UBE2J2: variants seen among roughly 807,000 people sequenced by gnomAD.
UBE2J2 encodes the protein ubiquitin conjugating enzyme E2 J2.
A neutral mutation model predicts 28.6 loss-of-function variants in UBE2J2; 5 were observed. That is an observed-to-expected ratio of 0.17 (90% confidence interval 0.09 to 0.37). UBE2J2 has a LOEUF of 0.37. Among genes scored for constraint, UBE2J2 ranks in the 10% least tolerant of loss-of-function variants. UBE2J2 has a pLI of 1.00. For synonymous variants in UBE2J2, 138 were observed against 139.7 expected (o/e 0.99, Z 0.09); for missense variants, 226 against 338.9 (o/e 0.67, Z 2.62).
Position 1,263,456 on chromosome 1 carries a change from C to G in UBE2J2, c.132-70G>C, listed in dbSNP as rs559032678. The G allele has an allele frequency of 2.0e-5, 29 of 1,437,942 alleles. No individual in the cohort carries two copies. In the Middle Eastern group the frequency reaches 7.1e-4, roughly 35 times the overall value. 89.1% of individuals were successfully genotyped at this position (1,437,942 alleles called of 1,614,324 possible). On this transcript the variant is annotated intron_variant, in intron 2 of 6. Coordinates refer to ENST00000349431, the MANE Select transcript of UBE2J2 (RefSeq NM_058167.3). ...TCTCCAAAATCTGAATCATTCCAAG[C>G]CTGGGGTTTATAGAACCCAGCCAAA... is the stretch of plus-strand genomic sequence containing the variant.
chr1:1,255,611 G>A (rs910037809), intron 6 of UBE2J2, 124 bp from the exon 7 acceptor site: 17 of 1,217,938 alleles, frequency 1.4e-5, no homozygotes, highest in East Asian at 4.8e-5. Context: ...GTCAAATTCC[G>A]ACCCCATCTC....
chr1:1,268,455 C>T lies in UBE2J2; in HGVS notation c.1-463G>A, dbSNP rs1020470740. ...GGCCCCTTCACCGCACCCGGAAGCC[C>T]GCTGCCCAGCATTTACCACTAGCCA... is the stretch of plus-strand genomic sequence containing the variant. On this transcript the variant is annotated intron_variant, in intron 1 of 6. Transcript: ENST00000349431. The surrounding 1 kb of genome is among the most constrained non-coding windows in gnomAD (Gnocchi z 4.7). Among the ~76,000 whole-genome samples, 4 of 152,138 alleles carry T rather than the reference C, an allele frequency of 2.6e-5. No homozygotes were observed. In the South Asian group the frequency reaches 6.2e-4, roughly 24 times the overall value.
chr1:1,255,987 G>C (rs1639152069), intron 6 of UBE2J2, 58 bp downstream of exon 6: 3 of 1,220,784 alleles, frequency 2.5e-6, no homozygotes, highest in Non-Finnish European at 3.6e-6. Flanking sequence ...TTTGGAAAGA[G>C]GTGAAACTCA....
rs747501243 is a variant in UBE2J2 at position 1,255,293 on chromosome 1, A to C, written c.690T>G (p.Gly230=). 9 of 1,613,634 alleles carry C rather than the reference A, an allele frequency of 5.6e-6. No homozygotes were observed. Among genetic ancestry groups the C allele is most frequent in the East Asian group, 2.2e-5 (1 of 44,878 alleles). ...QQANRHHGLL[G]GALANLFVIV... is the part of the protein sequence containing the mutation. Reference sequence around the variant, plus strand: ...TCACAAACAAGTTCGCCAGGGCGCCACCCAGGAGTCCGTGGTGCCGGTTGG... The same window carrying C: ...TCACAAACAAGTTCGCCAGGGCGCCCCCCAGGAGTCCGTGGTGCCGGTTGG... The change falls in exon 7 of 7, where the codon GGT becomes GGG. Residue 230 remains glycine, a synonymous_variant. Coordinates refer to ENST00000349431, the MANE Select transcript of UBE2J2 (RefSeq NM_058167.3).
rs1366107477 is a variant in UBE2J2, at chr1:1,268,286, G to A, written c.1-294C>T. ...CCTGTCCTCCAAAAACTCACGCAGG[G>A]ATACATTTACAGGGCTTGAGGGGGT... On this transcript the variant is annotated intron_variant, in intron 1 of 6. Coordinates refer to ENST00000349431, the MANE Select transcript of UBE2J2 (RefSeq NM_058167.3). The surrounding 1 kb of genome is among the most constrained non-coding windows in gnomAD (Gnocchi z 4.7). 6.6e-6 allele frequency among the ~76,000 whole-genome samples: 1 copy of A among 152,098 alleles called. No individual in the cohort carries two copies. The highest frequency in any genetic ancestry group is 1.5e-5 in the Non-Finnish European group (1 of 68,028).
chr1:1,271,847 G>A (rs1056404212), intron 1 of UBE2J2, among the ~76,000 whole-genome samples: 1 of 151,904 alleles, frequency 6.6e-6, no homozygotes, highest in African/African-American at 2.4e-5. Flanking sequence ...GGTGGCATGT[G>A]CCTGTAATCC....
At chr1:1,271,833 G>C (rs966198063) in intron 1 of UBE2J2, among the ~76,000 whole-genome samples, 1 of 151,928 alleles carries the variant, frequency 6.6e-6, no homozygotes, top group Admixed American at 6.6e-5. Context: ...AATTAATCAG[G>C]CATGGTGGCA....
chr1:1,260,632 G>A (rs1639501390), intron 3 of UBE2J2, among the ~76,000 whole-genome samples: 2 of 152,210 alleles, frequency 1.3e-5, no homozygotes. Flanking sequence ...TTGTCCTGAA[G>A]TGGGTCCCTG....
At chr1:1,258,735 C>T (rs978959728) in intron 3 of UBE2J2, among the ~76,000 whole-genome samples, 2 of 152,266 alleles carry the variant, frequency 1.3e-5, no homozygotes, top group African/African-American at 4.8e-5. Context: ...ATCACACCCA[C>T]TCCATGAGCA....
chr1:1,265,143 C>A (rs1639774312), intron 2 of UBE2J2, among the ~76,000 whole-genome samples: 1 of 152,170 alleles, frequency 6.6e-6, no homozygotes, highest in African/African-American at 2.4e-5. Flanking sequence ...AGACAGAGCC[C>A]AGCAGCCTTG....
chr1:1,255,590 C>A, intron 6 of UBE2J2, 103 bp from the exon 7 acceptor site: 1 of 1,379,164 alleles, frequency 7.3e-7, no homozygotes. Context: ...AAGAACCAAG[C>A]CCTAGGCTGT....
chr1:1,258,347 C>T (rs1013935159), intron 3 of UBE2J2, among the ~76,000 whole-genome samples: 3 of 152,118 alleles, frequency 2.0e-5, no homozygotes, highest in African/African-American at 7.2e-5. Flanking sequence ...AGCCATACCA[C>T]TGGTTTCTGA....
chr1:1,259,373 T>C (rs1639419776), intron 3 of UBE2J2, among the ~76,000 whole-genome samples: 1 of 152,090 alleles, frequency 6.6e-6, no homozygotes, highest in Non-Finnish European at 1.5e-5. Flanking sequence ...CATGCGTGTG[T>C]ATGCGTGTGC....
chr1:1,258,935 G>C (rs1218308319), intron 3 of UBE2J2, among the ~76,000 whole-genome samples: 7 of 152,252 alleles, frequency 4.6e-5, no homozygotes, highest in Admixed American at 1.3e-4. Flanking sequence ...ACCCCAACCA[G>C]AGGACCACAA....
At chr1:1,263,566 T>C in intron 2 of UBE2J2, 180 bp from the exon 3 acceptor site, 1 of 599,196 alleles carries the variant, frequency 1.7e-6, no homozygotes, top group South Asian at 1.9e-5. Context: ...TCTTCTACCG[T>C]GGGTGCTTTT....
intron 1 of UBE2J2, among the ~76,000 whole-genome samples, chr1:1,271,838 G>A (rs1176092692): frequency 6.6e-6 from 1 of 151,940 alleles, no homozygotes; most frequent in Admixed American, 6.6e-5. Flanking sequence ...ATCAGGCATG[G>A]TGGCATGTGC....
At chr1:1,258,986 G>C (rs1257536540) in intron 3 of UBE2J2, among the ~76,000 whole-genome samples, 1 of 152,254 alleles carries the variant, frequency 6.6e-6, no homozygotes, top group Non-Finnish European at 1.5e-5. Context: ...TGCATGCGTT[G>C]ACGTGTGTGT....
chr1:1,263,334 C>A lies in UBE2J2; in HGVS notation c.172+12G>T, dbSNP rs770011724. 5.0e-6 allele frequency: 8 copies of A among 1,612,404 alleles called. No homozygotes were observed. Among genetic ancestry groups the A allele is most frequent in the Non-Finnish European group, 6.8e-6 (8 of 1,178,592 alleles). On this transcript the variant is annotated intron_variant, in intron 3 of 6. Transcript: ENST00000349431. ...CCGCCTGGTGTTCTTCTCCTAAGCA[C>A]AGAATCCTTACCTTCATAAGGGGTC...
chr1:1,270,601 C>T (rs1361551904), intron 1 of UBE2J2, among the ~76,000 whole-genome samples: 3 of 152,154 alleles, frequency 2.0e-5, no homozygotes, highest in Non-Finnish European at 2.9e-5. Context: ...GTCATCACTT[C>T]TCCCATCAAC....
Sources: allele counts gnomAD v4.1 joint callset (sites outside exome capture counted in the v4.1 genomes callset), GRCh38; gene constraint gnomAD v4.1.1; non-coding constraint Gnocchi (gnomAD v3.1); transcripts MANE v1.5; gene names NCBI Gene and HGNC (gene_info 2026-07-23, HGNC 2026-07-21).